Variants in ARHGAP42 observed in about 807,000 individuals in gnomAD.
ARHGAP42 encodes rho GTPase-activating protein 42.
Under a neutral mutation model 125.0 loss-of-function variants are expected in ARHGAP42, and 63 were observed. That is an observed-to-expected ratio of 0.50 (90% CI 0.41 to 0.62). The LOEUF (loss-of-function observed/expected upper bound fraction) is 0.62, where lower values mean the gene tolerates loss of function less well. Among genes scored for constraint, ARHGAP42 ranks in the 20% least tolerant of loss-of-function variants. The pLI is 0.00. For synonymous variants in ARHGAP42, 339 were observed against 351.0 expected (o/e 0.97, Z 0.38); for missense variants, 766 against 1,024.2 (o/e 0.75, Z 3.44).
intron 4 of ARHGAP42, among the ~76,000 whole-genome samples, chr11:100,887,500 A>G (rs1449712375): frequency 6.6e-6 from 1 of 152,230 alleles, no homozygotes; most frequent in Non-Finnish European, 1.5e-5. Flanking sequence ...AGTGAAGTTA[A>G]GTAATTTCTC....
At chr11:100,867,868 G>T (rs1386698187) in intron 4 of ARHGAP42, among the ~76,000 whole-genome samples, 1 of 152,146 alleles carries the variant, frequency 6.6e-6, no homozygotes, top group East Asian at 1.9e-4. Flanking sequence ...GGAAGCCATT[G>T]TACGGTTACT....
chr11:100,863,324 G>A (rs923833950), intron 4 of ARHGAP42, among the ~76,000 whole-genome samples: 4 of 152,172 alleles, frequency 2.6e-5, no homozygotes, highest in African/African-American at 9.7e-5. Flanking sequence ...CTGGAAGGGA[G>A]GGCCGTTGAT....
At chr11:100,874,891 G>C (rs1431721257) in intron 4 of ARHGAP42, among the ~76,000 whole-genome samples, 1 of 152,078 alleles carries the variant, frequency 6.6e-6, no homozygotes, top group East Asian at 1.9e-4. Context: ...GTCTTTAACA[G>C]TTCTTACTTA....
At position 100,990,545 on chromosome 11, in the gene ARHGAP42, A is replaced by G. The variant is rs1014242308; in HGVS notation, c.*1744A>G. 6.6e-6 allele frequency: 1 copy of G among 152,234 alleles called. No individual in the cohort carries two copies. Among genetic ancestry groups the G allele is most frequent in the Non-Finnish European group, 1.5e-5 (1 of 68,032 alleles). 9.4% of individuals were successfully genotyped at this position (152,234 alleles called of 1,614,324 possible). A position where few individuals can be genotyped will look rare whatever the true frequency, so the allele number is the denominator to read the frequency against. ...AAATATTATGTAATAAAAATTAGCA[A>G]TGTAATGTAAACGTTTGATAAAAGA... On this transcript the variant is annotated 3_prime_UTR_variant, in exon 24 of 24. Coordinates refer to ENST00000298815, the MANE Select transcript of ARHGAP42 (RefSeq NM_152432.4).
chr11:100,977,113 A>G, intron 21 of ARHGAP42, 142 bp downstream of exon 21: 1 of 953,328 alleles, frequency 1.0e-6, no homozygotes, highest in South Asian at 1.7e-5. Context: ...CACTTCTGTA[A>G]GACTCTATTC....
At chr11:100,825,983 C>T (rs1024274431) in intron 3 of ARHGAP42, among the ~76,000 whole-genome samples, 2 of 152,086 alleles carry the variant, frequency 1.3e-5, no homozygotes, top group African/African-American at 4.8e-5. Flanking sequence ...AGTTTTTGAT[C>T]GGTTCCTCAG....
intron 3 of ARHGAP42, among the ~76,000 whole-genome samples, chr11:100,836,574 CA>C (rs1310066219): frequency 6.6e-6 from 1 of 151,944 alleles, no homozygotes; most frequent in African/African-American, 2.4e-5. Context: ...CCTAATAATT[CA>C]AAATTAGATA....
chr11:100,809,784 G>C (rs535245480), intron 3 of ARHGAP42, among the ~76,000 whole-genome samples: 2 of 151,994 alleles, frequency 1.3e-5, no homozygotes, highest in Non-Finnish European at 2.9e-5. Flanking sequence ...GTGAAACCCT[G>C]TTTCTGCAAA....
intron 4 of ARHGAP42, among the ~76,000 whole-genome samples, chr11:100,905,380 G>T (rs570664585): frequency 6.6e-6 from 1 of 152,136 alleles, no homozygotes; most frequent in Admixed American, 6.5e-5. Flanking sequence ...AACTATGTAT[G>T]TCTTTAATAA....
At chr11:100,724,643 A>T (rs1423741464) in intron 1 of ARHGAP42, among the ~76,000 whole-genome samples, 1 of 151,680 alleles carries the variant, frequency 6.6e-6, no homozygotes, top group Non-Finnish European at 1.5e-5. Context: ...ACCCAGGGGG[A>T]TTAGTAGTGA....
rs746705270 is a variant in ARHGAP42 at position 100,973,314 on chromosome 11, C to T, written c.1690C>T (p.Leu564=). Reference sequence around the variant, plus strand: ...ATTTCAGAATATTGTGGTAGAAATTCTGATAGAGCACTATGAAAAGGTAGG... The same window carrying T: ...ATTTCAGAATATTGTGGTAGAAATTTTGATAGAGCACTATGAAAAGGTAGG... ...IKFQNIVVEI[L]IEHYEKIFHT... The change falls in exon 18 of 24, where the codon CTG becomes TTG. Residue 564 remains leucine, a synonymous_variant. Coordinates refer to ENST00000298815, the MANE Select transcript of ARHGAP42 (RefSeq NM_152432.4). 100 of 1,550,328 alleles carry T rather than the reference C, an allele frequency of 6.5e-5. No homozygotes were observed. Among genetic ancestry groups the T allele is most frequent in the Non-Finnish European group, 8.4e-5 (96 of 1,146,536 alleles).
chr11:100,977,443 G>T (rs1356990045), intron 21 of ARHGAP42, among the ~76,000 whole-genome samples: 1 of 152,166 alleles, frequency 6.6e-6, no homozygotes, highest in Non-Finnish European at 1.5e-5. Context: ...AGCTAGTAGA[G>T]AATGAGGAAT....
chr11:100,958,087 T>G (rs1857851632), intron 12 of ARHGAP42, among the ~76,000 whole-genome samples: 1 of 146,944 alleles, frequency 6.8e-6, no homozygotes, highest in Non-Finnish European at 1.5e-5. Context: ...AAAATGCTAG[T>G]GTCTTGCTTT....
intron 4 of ARHGAP42, among the ~76,000 whole-genome samples, chr11:100,896,047 G>T (rs1866350001): frequency 6.6e-6 from 1 of 152,100 alleles, no homozygotes; most frequent in Non-Finnish European, 1.5e-5. Context: ...CTGTGTCCAA[G>T]TGTTCTCATT....
At chr11:100,818,868 A>G (rs1283157271) in intron 3 of ARHGAP42, among the ~76,000 whole-genome samples, 1 of 152,146 alleles carries the variant, frequency 6.6e-6, no homozygotes, top group East Asian at 1.9e-4. Flanking sequence ...CAGATTATGT[A>G]GAGGTAGAGA....
At chr11:100,753,172 C>T (rs1424292508) in intron 1 of ARHGAP42, among the ~76,000 whole-genome samples, 2 of 152,016 alleles carry the variant, frequency 1.3e-5, no homozygotes, top group Admixed American at 1.3e-4. Flanking sequence ...GGTGAGGGGA[C>T]TGGTTCTCTG....
Position 100,936,230 on chromosome 11 carries a change from C to A in ARHGAP42, c.730C>A (p.Gln244Lys). 1 of 1,551,728 alleles carries A rather than the reference C, an allele frequency of 6.4e-7. No individual in the cohort carries two copies. The highest frequency in any genetic ancestry group is 1.2e-5 in the South Asian group (1 of 84,050). Reference sequence around the variant, plus strand: ...AAGGAATAATTTTGAAAGTACTCGACAAGAGGTAGAGCGGTTGATGCAAAG... The same window carrying A: ...AAGGAATAATTTTGAAAGTACTCGAAAAGAGGTAGAGCGGTTGATGCAAAG... Reference protein sequence around the residue: ...NTRNNFESTRQEVERLMQRMK... With the variant: ...NTRNNFESTRKEVERLMQRMK... The change falls in exon 8 of 24, where the codon CAA becomes AAA. Residue 244 changes from glutamine to lysine, a missense_variant. Gln to Lys is a moderately conservative substitution (Grantham distance 53, BLOSUM62 1). Around this residue, in one of 3 missense-constraint regions of ARHGAP42, gnomAD observed 455 missense variants for 636.5 expected, o/e 0.71. Coordinates refer to ENST00000298815, the MANE Select transcript of ARHGAP42 (RefSeq NM_152432.4).
intron 2 of ARHGAP42, among the ~76,000 whole-genome samples, chr11:100,793,268 T>A (rs1426655913): frequency 6.6e-6 from 1 of 152,174 alleles, no homozygotes; most frequent in Admixed American, 6.5e-5. Flanking sequence ...CACAAAAATA[T>A]AATATGCTGT....
chr11:100,978,880 G>A, intron 21 of ARHGAP42, 107 bp from the exon 22 acceptor site: 1 of 1,147,506 alleles, frequency 8.7e-7, no homozygotes, highest in South Asian at 1.4e-5. Context: ...TTTGGCAATG[G>A]TTCTCAACCA....
Sources: allele counts gnomAD v4.1 joint callset (sites outside exome capture counted in the v4.1 genomes callset), GRCh38; gene constraint gnomAD v4.1.1; regional missense constraint gnomAD v4.1.1; transcripts MANE v1.5; gene names NCBI Gene and HGNC (gene_info 2026-07-23, HGNC 2026-07-21).